The following PARD3B variants were observed in gnomAD, a reference collection of about 807,000 sequenced individuals.
PARD3B encodes partitioning defective 3 homolog B.
PARD3B carries 103 observed loss-of-function variants against 130.2 expected under a neutral mutation model. The ratio of observed to expected loss-of-function variants is 0.79; its 90% CI spans 0.67 to 0.93. The LOEUF (loss-of-function observed/expected upper bound fraction) is 0.93. Among genes scored for constraint, PARD3B ranks in the 40% least tolerant of loss-of-function variants. PARD3B has a pLI of 0.00. For synonymous variants in PARD3B, 583 were observed against 553.2 expected (o/e 1.05, Z -0.76); for missense variants, 1,609 against 1,499.2 (o/e 1.07, Z -1.21).
At chr2:204,625,947 A>C (rs949126511) in intron 1 of PARD3B, among the ~76,000 whole-genome samples, 2 of 152,188 alleles carry the variant, frequency 1.3e-5, no homozygotes, top group African/African-American at 4.8e-5. Context: ...ACTTAGATGT[A>C]TAGGGTATAT....
intron 21 of PARD3B, among the ~76,000 whole-genome samples, chr2:205,521,385 C>A (rs546383130): frequency 7.9e-5 from 12 of 151,960 alleles, no homozygotes; most frequent in Non-Finnish European, 1.8e-4. Context: ...GAATATTAAG[C>A]CTTTACTGTC....
intron 3 of PARD3B, among the ~76,000 whole-genome samples, chr2:205,031,244 C>G (rs1399156164): frequency 1.3e-5 from 2 of 152,142 alleles, no homozygotes; most frequent in Admixed American, 6.6e-5. Context: ...GAAGGCAACT[C>G]TGTGTGTGCG....
At position 204,819,200 on chromosome 2, in the gene PARD3B, G is replaced by T. The variant is rs117540346; in HGVS notation, c.222+132918G>T. On this transcript the variant is annotated intron_variant, in intron 2 of 22. Coordinates refer to ENST00000406610, the MANE Select transcript of PARD3B (RefSeq NM_001302769.2). ...TTTTTTTGCAAATTGAAGGTTTGCG[G>T]CAACCCTGTCTCAAGCAAGCCTGTC... is the stretch of plus-strand genomic sequence containing the variant. Among the ~76,000 whole-genome samples the T allele has an allele frequency of 3.3e-5, 5 of 152,282 alleles. No individual in the cohort carries two copies. In the East Asian group the frequency reaches 9.7e-4, roughly 29 times the overall value.
At chr2:205,545,515 TG>T (rs1244692705) in intron 21 of PARD3B, among the ~76,000 whole-genome samples, 1 of 152,216 alleles carries the variant, frequency 6.6e-6, no homozygotes, top group Non-Finnish European at 1.5e-5. Context: ...AATCTTATGA[TG>T]TGTCTGGCAG....
intron 18 of PARD3B, among the ~76,000 whole-genome samples, chr2:205,302,070 T>TC (rs1204671909): frequency 7.4e-4 from 93 of 126,398 alleles, no homozygotes; most frequent in African/African-American, 2.7e-3. Flanking sequence ...CTTTTCTTTT[T>TC]TTTTTTTTTT....
intron 2 of PARD3B, among the ~76,000 whole-genome samples, chr2:204,741,664 T>C (rs1018138303): frequency 1.3e-5 from 2 of 152,170 alleles, no homozygotes; most frequent in African/African-American, 4.8e-5. Context: ...ACCACCTTTA[T>C]AGAAAATACA....
rs55744172 is a variant in PARD3B, at chr2:204,553,651, CATATATATATATATATATATAT to C, written c.120+7556_120+7577del. Among the ~76,000 whole-genome samples, 460 of 83,428 alleles carry C rather than the reference CATATATATATATATATATATAT, an allele frequency of 5.5e-3. 6 individuals carry two copies. Among genetic ancestry groups the C allele is most frequent in the South Asian group, 0.03 (79 of 2,640 alleles). The allele number at this position is 83,428 out of a possible 152,430, so 54.7% of individuals were successfully genotyped here. ...ATATGGATATATATTTATATATATC[CATATATATATATATATATATAT>C]ATATATATATATATATATATATACA... On this transcript the variant is annotated intron_variant, in intron 1 of 22. Coordinates refer to ENST00000406610, the MANE Select transcript of PARD3B (RefSeq NM_001302769.2).
At chr2:204,767,190 C>T (rs1233671159) in intron 2 of PARD3B, among the ~76,000 whole-genome samples, 9 of 60,114 alleles carry the variant, frequency 1.5e-4, no homozygotes, top group Admixed American at 6.0e-4. Flanking sequence ...TGATATTCCC[C>T]TTCCTGTGTC....
chr2:205,362,734 G>T (rs1001043018), intron 18 of PARD3B, among the ~76,000 whole-genome samples: 12 of 152,288 alleles, frequency 7.9e-5, no homozygotes, highest in Middle Eastern at 6.8e-3. Context: ...TGGTAAGAAT[G>T]AATTATTATT....
At chr2:204,715,556 A>T (rs78398702) in intron 2 of PARD3B, among the ~76,000 whole-genome samples, 1 of 151,918 alleles carries the variant, frequency 6.6e-6, no homozygotes, top group African/African-American at 2.4e-5. Flanking sequence ...TTAAAACGTA[A>T]ATCGTAAGCC....
chr2:205,486,451 C>T (rs978801912), intron 20 of PARD3B, among the ~76,000 whole-genome samples: 1 of 152,142 alleles, frequency 6.6e-6, no homozygotes, highest in African/African-American at 2.4e-5. Flanking sequence ...TCAGTCCATT[C>T]TAGCACTAAT....
At chr2:204,778,269 T>C (rs1445620085) in intron 2 of PARD3B, among the ~76,000 whole-genome samples, 2 of 152,190 alleles carry the variant, frequency 1.3e-5, no homozygotes, top group African/African-American at 4.8e-5. Context: ...TGTGGTCATT[T>C]AGTCTGCTGA....
chr2:204,893,363 A>G (rs1049186884), intron 2 of PARD3B, among the ~76,000 whole-genome samples: 4 of 152,208 alleles, frequency 2.6e-5, no homozygotes, highest in African/African-American at 9.6e-5. Flanking sequence ...AAAGTTTAAC[A>G]AAGAAATGAG....
intron 2 of PARD3B, among the ~76,000 whole-genome samples, chr2:204,805,945 C>T (rs1437641510): frequency 6.6e-6 from 1 of 152,076 alleles, no homozygotes; most frequent in African/African-American, 2.4e-5. Context: ...GGCAGACCCA[C>T]AGCTACTATC....
chr2:204,718,181 C>T (rs1417660330), intron 2 of PARD3B, among the ~76,000 whole-genome samples: 9 of 151,710 alleles, frequency 5.9e-5, no homozygotes, highest in Admixed American at 5.3e-4. Flanking sequence ...TTTCTTTGGT[C>T]GTGGGGGATG....
chr2:205,381,480 C>T (rs1191783127), intron 18 of PARD3B, among the ~76,000 whole-genome samples: 1 of 151,428 alleles, frequency 6.6e-6, no homozygotes, highest in African/African-American at 2.4e-5. Context: ...TTTGGAAGGT[C>T]GGAAGGTACT....
chr2:204,545,854 C>A lies in PARD3B; in HGVS notation c.-146C>A. 1.1e-6 allele frequency: 1 copy of A among 873,226 alleles called. No individual in the cohort carries two copies. Among genetic ancestry groups the A allele is most frequent in the African/African-American group, 1.8e-5 (1 of 55,782 alleles). The allele number at this position is 873,226 out of a possible 1,614,324, so 54.1% of individuals were successfully genotyped here. A position where few individuals can be genotyped will look rare whatever the true frequency, so the allele number is the denominator to read the frequency against. On this transcript the variant is annotated 5_prime_UTR_variant, in exon 1 of 23. Coordinates refer to ENST00000406610, the MANE Select transcript of PARD3B (RefSeq NM_001302769.2). The stretch of plus-strand genomic sequence containing the variant: ...TGGCCAGGTGGAAGGGGCGCTGCCG[C>A]GAGCCTCCGGGCCTCAGGGTGTTCC...
At position 205,258,636 on chromosome 2, in the gene PARD3B, A is replaced by T. The variant is rs764178417; in HGVS notation, c.2185+12814A>T. On this transcript the variant is annotated intron_variant, in intron 16 of 22. Transcript: ENST00000406610. The surrounding 1 kb of genome is among the most constrained non-coding windows in gnomAD (Gnocchi z 4.9). The stretch of plus-strand genomic sequence containing the variant: ...AAGCAGTGTGTGGCACACGGCAGGC[A>T]TCCTTTACGTAGTACTTGCTAAATC... Among the ~76,000 whole-genome samples, 17 of 152,178 alleles carry T rather than the reference A, an allele frequency of 1.1e-4. No individual in the cohort carries two copies. Among genetic ancestry groups the T allele is most frequent in the Non-Finnish European group, 2.1e-4 (14 of 68,022 alleles).
chr2:205,235,781 A>G (rs1021147616), intron 15 of PARD3B, among the ~76,000 whole-genome samples: 26 of 152,348 alleles, frequency 1.7e-4, no homozygotes, highest in Admixed American at 4.6e-4. Flanking sequence ...ATGATTGACC[A>G]TAGGTAACTG....
Sources: gnomAD v4.1 joint callset for allele counts (sites outside exome capture counted in the v4.1 genomes callset) on GRCh38, gnomAD v4.1.1 for gene constraint, Gnocchi (gnomAD v3.1) non-coding constraint, MANE v1.5 for transcripts, NCBI Gene and HGNC (gene_info 2026-07-23, HGNC 2026-07-21) for gene names.